MYOF: variants seen among roughly 807,000 people sequenced by gnomAD.
MYOF encodes the protein fer-1-like 3, myoferlin.
In MYOF, 244 loss-of-function variants were observed where a neutral mutation model predicts 284.2. That is an observed-to-expected ratio of 0.86 (90% CI 0.77 to 0.95). MYOF has a LOEUF of 0.95. Among genes scored for constraint, MYOF ranks in the 40% least tolerant of loss-of-function variants. The pLI is 0.00. For missense variants in MYOF, 2,496 were observed against 2,560.6 expected (o/e 0.97, Z 0.54); for synonymous variants, 904 against 919.7 (o/e 0.98, Z 0.31).
intron 2 of MYOF, among the ~76,000 whole-genome samples, chr10:93,456,261 T>C (rs1246610210): frequency 6.6e-6 from 1 of 152,226 alleles, no homozygotes; most frequent in Non-Finnish European, 1.5e-5. Context: ...TTATCAGATG[T>C]CGTATTTCAT....
chr10:93,440,007 C>T lies in MYOF; in HGVS notation c.237-8491G>A, dbSNP rs555474644. 5.3e-5 allele frequency among the ~76,000 whole-genome samples: 8 copies of T among 152,274 alleles called. No individual in the cohort carries two copies. In the East Asian group the frequency reaches 1.5e-3, roughly 29 times the overall value. On this transcript the variant is annotated intron_variant, in intron 3 of 53. Coordinates refer to ENST00000359263, the MANE Select transcript of MYOF (RefSeq NM_013451.4). ...ATATACCACAAATCCTTTTGGGAAA[C>T]AATTTTTCTTTTCAGAGTTAGACCA...
At chr10:93,443,956 T>C (rs1361229430) in intron 3 of MYOF, among the ~76,000 whole-genome samples, 1 of 152,172 alleles carries the variant, frequency 6.6e-6, no homozygotes, top group Non-Finnish European at 1.5e-5. Flanking sequence ...AATCCCAACT[T>C]TCAAATACCA....
At chr10:93,393,056 G>T in intron 16 of MYOF, 101 bp from the exon 17 acceptor site, 2 of 1,067,212 alleles carry the variant, frequency 1.9e-6, no homozygotes, top group Non-Finnish European at 2.9e-6. Context: ...ATGTGATTTA[G>T]CAACACCAGA....
chr10:93,426,254 G>A, intron 4 of MYOF, 96 bp from the exon 5 acceptor site: 1 of 1,244,614 alleles, frequency 8.0e-7, no homozygotes, highest in Non-Finnish European at 1.1e-6. Context: ...CAAAGTCTTG[G>A]AAGGGGTAAG....
At chr10:93,355,848 T>C (rs1844775778) in intron 30 of MYOF, 112 bp from the exon 31 acceptor site, 2 of 760,926 alleles carry the variant, frequency 2.6e-6, no homozygotes, top group East Asian at 2.5e-5. Flanking sequence ...TTTTTAAAGA[T>C]GTTATCGTGC....
At chr10:93,376,633 T>A (rs1564662908) in intron 22 of MYOF, among the ~76,000 whole-genome samples, 1 of 152,190 alleles carries the variant, frequency 6.6e-6, no homozygotes, top group Non-Finnish European at 1.5e-5. Flanking sequence ...CCTTTTTGCT[T>A]GTGGAAAGCA....
intron 28 of MYOF, among the ~76,000 whole-genome samples, chr10:93,361,155 T>G (rs1207049658): frequency 6.6e-6 from 1 of 152,194 alleles, no homozygotes; most frequent in Non-Finnish European, 1.5e-5. Flanking sequence ...GCACACAACC[T>G]AGACCCCTCT....
chr10:93,335,711 T>A (rs1843570467), intron 41 of MYOF, among the ~76,000 whole-genome samples: 1 of 151,920 alleles, frequency 6.6e-6, no homozygotes, highest in African/African-American at 2.4e-5. Flanking sequence ...CCCTTTTCCT[T>A]TCTGGCACCT....
chr10:93,336,466 C>T (rs924783817), intron 40 of MYOF, among the ~76,000 whole-genome samples: 4 of 152,098 alleles, frequency 2.6e-5, no homozygotes, highest in Non-Finnish European at 5.9e-5. Context: ...GGATAAAAGG[C>T]CAGACACACA....
chr10:93,328,676 GCT>G, intron 45 of MYOF, 85 bp downstream of exon 45: 1 of 1,366,156 alleles, frequency 7.3e-7, no homozygotes, highest in Non-Finnish European at 1.0e-6. Flanking sequence ...TAGGGTACTG[GCT>G]CTGTCTATTC....
intron 53 of MYOF, among the ~76,000 whole-genome samples, 188 bp from the exon 54 acceptor site, chr10:93,307,189 C>CCCCG (rs1842139935): frequency 1.0e-5 from 1 of 100,166 alleles, no homozygotes; most frequent in Non-Finnish European, 2.5e-5. Flanking sequence ...GCCAGTAGCA[C>CCCCG]CCCCCCGCCA....
chr10:93,375,421 T>C (rs1274205203), intron 22 of MYOF, among the ~76,000 whole-genome samples: 1 of 152,234 alleles, frequency 6.6e-6, no homozygotes, highest in African/African-American at 2.4e-5. Context: ...CTCGAAGGTC[T>C]GTGAAACTCT....
intron 1 of MYOF, among the ~76,000 whole-genome samples, chr10:93,477,946 G>T (rs535744837): frequency 6.6e-6 from 1 of 152,226 alleles, no homozygotes; most frequent in Non-Finnish European, 1.5e-5. Flanking sequence ...CAGTAGTTGG[G>T]ACAACTTATA....
chr10:93,431,328 C>G, intron 4 of MYOF, 80 bp downstream of exon 4: 1 of 1,247,158 alleles, frequency 8.0e-7, no homozygotes, highest in Non-Finnish European at 1.2e-6. Flanking sequence ...CCACCACGCC[C>G]GGCCTTAGAC....
Position 93,316,760 on chromosome 10 carries a change from G to T in MYOF, c.5652C>A (p.Ile1884=). The stretch of plus-strand genomic sequence containing the variant: ...ACTTGTCATTGTCCCATATCTGAAT[G>T]ATCAGCCTGGGTGGGATTCGAAATT... ...QTEFRIPPRL[I]IQIWDNDKFS... Residue 1884 remains isoleucine, a synonymous_variant, in exon 50 of 54, where the codon ATC becomes ATA. Transcript: ENST00000359263. 1.2e-6 allele frequency: 2 copies of T among 1,614,022 alleles called. No individual in the cohort carries two copies. Among genetic ancestry groups the T allele is most frequent in the Non-Finnish European group, 1.7e-6 (2 of 1,179,946 alleles).
At chr10:93,480,659 A>T (rs2134422544) in intron 1 of MYOF, among the ~76,000 whole-genome samples, 1 of 151,918 alleles carries the variant, frequency 6.6e-6, no homozygotes, top group South Asian at 2.1e-4. Flanking sequence ...TATTTTTAGT[A>T]GAGATGGGGT....
chr10:93,379,893 C>A lies in MYOF; in HGVS notation c.1971G>T (p.Val657=). The A allele has an allele frequency of 6.2e-7, 1 of 1,614,066 alleles. No homozygotes were observed. Among genetic ancestry groups the A allele is most frequent in the Middle Eastern group, 1.6e-4 (1 of 6,062 alleles). The change falls in exon 21 of 54, where the codon GTG becomes GTT. Residue 657 remains valine, a synonymous_variant. Coordinates refer to ENST00000359263, the MANE Select transcript of MYOF (RefSeq NM_013451.4). ...GTTCTGCCATAGCTAGGAGAGTGTT[C>A]ACCGCATCCAGGCGATGACTAATAT... The part of the protein sequence containing the change: ...WEDISHRLDA[V]NTLLAMAERL...
intron 3 of MYOF, among the ~76,000 whole-genome samples, 172 bp downstream of exon 3, chr10:93,451,878 G>T (rs1162368853): frequency 2.0e-5 from 3 of 152,188 alleles, no homozygotes; most frequent in Non-Finnish European, 2.9e-5. Flanking sequence ...AAAAAGTGCT[G>T]TGATGGATTA....
chr10:93,429,761 G>C (rs1457560984), intron 4 of MYOF, among the ~76,000 whole-genome samples: 2 of 151,982 alleles, frequency 1.3e-5, no homozygotes. Flanking sequence ...TAAATTGATT[G>C]GAAAATGAAG....
Sources: gnomAD v4.1 joint callset for allele counts (sites outside exome capture counted in the v4.1 genomes callset) on GRCh38, gnomAD v4.1.1 for gene constraint, MANE v1.5 for transcripts, NCBI Gene and HGNC (gene_info 2026-07-23, HGNC 2026-07-21) for gene names.